Variants in RSU1 observed in about 807,000 individuals in gnomAD.
RSU1 encodes the protein Ras suppressor protein 1.
RSU1 carries 26 observed loss-of-function variants against 31.1 expected under a neutral mutation model. The ratio of observed to expected loss-of-function variants is 0.84; its 90% CI spans 0.61 to 1.16. The LOEUF (loss-of-function observed/expected upper bound fraction) is 1.16, where lower values mean the gene tolerates loss of function less well. Ranked by LOEUF, RSU1 falls within the 50% of genes most tolerant of loss-of-function variation. The pLI is 0.00. For synonymous variants in RSU1, 164 were observed against 136.3 expected (o/e 1.20, Z -1.41); for missense variants, 320 against 339.1 (o/e 0.94, Z 0.44).
chr10:16,641,508 A>T (rs1386646353), intron 8 of RSU1, among the ~76,000 whole-genome samples: 3 of 151,344 alleles, frequency 2.0e-5, no homozygotes, highest in African/African-American at 7.3e-5. Context: ...AAAAAAAAAA[A>T]TTAAAAAGGT....
At chr10:16,809,629 T>A (rs1564365756) in intron 2 of RSU1, among the ~76,000 whole-genome samples, 1 of 152,208 alleles carries the variant, frequency 6.6e-6, no homozygotes, top group Non-Finnish European at 1.5e-5. Context: ...AAACTTGCTA[T>A]CCAAAGAAGA....
At chr10:16,642,450 A>T (rs1470807387) in intron 8 of RSU1, among the ~76,000 whole-genome samples, 1 of 152,080 alleles carries the variant, frequency 6.6e-6, no homozygotes, top group Non-Finnish European at 1.5e-5. Flanking sequence ...TGAGTCTCTA[A>T]CCTTTCCTAT....
intron 8 of RSU1, among the ~76,000 whole-genome samples, chr10:16,604,537 C>T (rs1833769273): frequency 1.3e-5 from 2 of 152,142 alleles, no homozygotes; most frequent in Admixed American, 6.5e-5. Flanking sequence ...CCTCCTATAC[C>T]TTCTGCCGCG....
At chr10:16,762,995 C>CAA (rs11341912) in intron 4 of RSU1, among the ~76,000 whole-genome samples, 9 of 131,310 alleles carry the variant, frequency 6.9e-5, no homozygotes, top group East Asian at 4.3e-4. Context: ...GACTCTGTCT[C>CAA]AAAAAAAAAA....
intron 2 of RSU1, among the ~76,000 whole-genome samples, chr10:16,783,707 T>C (rs1033082976): frequency 3.9e-5 from 6 of 152,028 alleles, no homozygotes; most frequent in African/African-American, 1.2e-4. Flanking sequence ...TGCAAACTTA[T>C]AGAGAAGTTC....
intron 7 of RSU1, among the ~76,000 whole-genome samples, chr10:16,730,844 G>C (rs1446300543): frequency 1.3e-5 from 2 of 152,108 alleles, no homozygotes; most frequent in African/African-American, 2.4e-5. Context: ...TTTTCAGCGA[G>C]ACTGAGTCTC....
intron 8 of RSU1, among the ~76,000 whole-genome samples, chr10:16,690,962 G>T (rs1171513265): frequency 6.6e-6 from 1 of 151,984 alleles, no homozygotes. Context: ...TATAAGTAAG[G>T]ATTCTTTTTA....
At position 16,592,299 on chromosome 10, in the gene RSU1, C is replaced by A. The variant is rs932177390; in HGVS notation, c.*1095G>T. On this transcript the variant is annotated 3_prime_UTR_variant, in exon 9 of 9. Transcript: ENST00000345264. ...TCACATACCATTTTTTTTGTGTCGGCCTTCTGGGGTTGACAGCCCTTTCAG... is the reference window on the plus strand; with the variant it reads ...TCACATACCATTTTTTTTGTGTCGGACTTCTGGGGTTGACAGCCCTTTCAG... The A allele has an allele frequency of 6.6e-6, 1 of 152,064 alleles. No homozygotes were observed. The highest frequency in any genetic ancestry group is 2.4e-5 in the African/African-American group (1 of 41,422). The allele number at this position is 152,064 out of a possible 1,614,324, so 9.4% of individuals were successfully genotyped here. A position where few individuals can be genotyped will look rare whatever the true frequency, so the allele number is the denominator to read the frequency against.
chr10:16,709,506 T>A (rs1195287407), intron 7 of RSU1, among the ~76,000 whole-genome samples: 1 of 152,200 alleles, frequency 6.6e-6, no homozygotes, highest in African/African-American at 2.4e-5. Context: ...TTTGGGTATA[T>A]ACCCAGCAAT....
At position 16,624,826 on chromosome 10, in the gene RSU1, CTGAT is replaced by C. The variant is rs1213935378; in HGVS notation, c.732-31334_732-31331del. On this transcript the variant is annotated intron_variant, in intron 8 of 8. Coordinates refer to ENST00000345264, the MANE Select transcript of RSU1 (RefSeq NM_012425.4). Reference sequence around the variant, plus strand: ...TATTTAATAGGTAATTGCTCATGGGCTGATTGATTAAAAAAAGTTCAGACTGACT... The same window carrying C: ...TATTTAATAGGTAATTGCTCATGGGCTGATTAAAAAAAGTTCAGACTGACT... Among the ~76,000 whole-genome samples, 8 of 152,210 alleles carry C rather than the reference CTGAT, an allele frequency of 5.3e-5. No homozygotes were observed. The East Asian group carries it at 1.2e-3, about 22-fold the overall frequency.
At chr10:16,673,350 C>T (rs375765361) in intron 8 of RSU1, among the ~76,000 whole-genome samples, 69 of 152,308 alleles carry the variant, frequency 4.5e-4, no homozygotes, top group African/African-American at 1.6e-3. Flanking sequence ...AGAGCAGCTA[C>T]AAATTTTTCT....
At chr10:16,689,275 G>A (rs942693154) in intron 8 of RSU1, among the ~76,000 whole-genome samples, 2 of 152,208 alleles carry the variant, frequency 1.3e-5, no homozygotes, top group African/African-American at 4.8e-5. Context: ...TACTTCATCA[G>A]ATGTTTATTA....
intron 7 of RSU1, among the ~76,000 whole-genome samples, chr10:16,739,310 T>A (rs1360102122): frequency 6.6e-6 from 1 of 152,150 alleles, no homozygotes; most frequent in African/African-American, 2.4e-5. Context: ...ATGGTTGAAC[T>A]AATTTATACT....
chr10:16,660,307 G>A (rs922784258), intron 8 of RSU1, among the ~76,000 whole-genome samples: 2 of 152,180 alleles, frequency 1.3e-5, no homozygotes, highest in Non-Finnish European at 2.9e-5. Flanking sequence ...GGAGCAGGGG[G>A]AATTGGCTTG....
At chr10:16,808,942 C>A (rs1197098251) in intron 2 of RSU1, among the ~76,000 whole-genome samples, 7 of 152,200 alleles carry the variant, frequency 4.6e-5, no homozygotes, top group Admixed American at 3.3e-4. Context: ...CGGCCACCTG[C>A]AAGCCCAGGA....
intron 7 of RSU1, among the ~76,000 whole-genome samples, chr10:16,698,016 T>C (rs926345472): frequency 2.6e-3 from 262 of 101,774 alleles, no homozygotes; most frequent in African/African-American, 8.9e-3. Context: ...TTTTTTTTTT[T>C]TTTACTTTGG....
At chr10:16,752,385 C>A in intron 7 of RSU1, 154 bp downstream of exon 7, 1 of 600,176 alleles carries the variant, frequency 1.7e-6, no homozygotes, top group African/African-American at 1.9e-5. Context: ...ACAGCTAACT[C>A]TGGTCAATGA....
chr10:16,675,260 C>G (rs775733127), intron 8 of RSU1, among the ~76,000 whole-genome samples: 1 of 146,928 alleles, frequency 6.8e-6, no homozygotes, highest in African/African-American at 2.5e-5. Context: ...AAAAGACAAA[C>G]ATTAGTGCCC....
At chr10:16,749,198 C>T (rs905738690) in intron 7 of RSU1, among the ~76,000 whole-genome samples, 4 of 152,172 alleles carry the variant, frequency 2.6e-5, no homozygotes, top group African/African-American at 9.7e-5. Flanking sequence ...TACTTAAGAA[C>T]CAGACATAAC....
Sources: allele counts gnomAD v4.1 joint callset (sites outside exome capture counted in the v4.1 genomes callset), GRCh38; gene constraint gnomAD v4.1.1; transcripts MANE v1.5; gene names NCBI Gene and HGNC (gene_info 2026-07-23, HGNC 2026-07-21).